The following STARD13 variants were observed in gnomAD, a reference collection of about 807,000 sequenced individuals.
The protein encoded by STARD13 is StAR related lipid transfer domain containing 13.
Under a neutral mutation model 106.4 loss-of-function variants are expected in STARD13, and 62 were observed. The observed-to-expected ratio is 0.58, with a 90% CI of 0.48 to 0.72. The LOEUF (loss-of-function observed/expected upper bound fraction) is 0.72. Ranked by LOEUF, STARD13 falls within the 30% of genes least tolerant of loss-of-function variation. The probability of loss-of-function intolerance (pLI) is 0.00; values close to 1 mark genes in which losing one functional copy is unlikely to be tolerated. For missense variants in STARD13, 1,387 were observed against 1,424.0 expected (o/e 0.97, Z 0.42); for synonymous variants, 565 against 553.0 (o/e 1.02, Z -0.31).
the STARD13 span, among the ~76,000 whole-genome samples, chr13:33,561,169 A>G: frequency 1.3e-5 from 2 of 151,392 alleles, no homozygotes; most frequent in Admixed American, 6.6e-5. Flanking sequence ...TTTCTTTTTC[A>G]TTCTGGATTT....
In STARD13 at chr13:33,308,520, CTT is replaced by C. The variant is rs552526416; in HGVS notation, c.124+41768_124+41769del. On this transcript the variant is annotated intron_variant, in intron 1 of 5. Coordinates refer to the STARD13 transcript ENST00000567873. ...TCCTTTTTTCTTTTTCTTTTTCTTTCTTTTTTTTTTTTTTTTTTTTGAGTTTG... is the reference window on the plus strand; with the variant it reads ...TCCTTTTTTCTTTTTCTTTTTCTTTCTTTTTTTTTTTTTTTTTTGAGTTTG... Among the ~76,000 whole-genome samples the C allele has an allele frequency of 2.8e-3, 248 of 88,566 alleles. 2 individuals are homozygous for C. Among genetic ancestry groups the C allele is most frequent in the African/African-American group, 9.7e-3 (223 of 22,876 alleles). 58.1% of individuals were successfully genotyped at this position (88,566 alleles called of 152,430 possible).
At chr13:33,509,470 A>G in the STARD13 span, among the ~76,000 whole-genome samples, 2 of 152,288 alleles carry the variant, frequency 1.3e-5, no homozygotes, top group South Asian at 4.1e-4. Context: ...ATTCAAAGAG[A>G]GCAGGTACAA....
the STARD13 span, among the ~76,000 whole-genome samples, chr13:33,591,633 TC>T: frequency 4.6e-5 from 7 of 152,190 alleles, no homozygotes; most frequent in African/African-American, 1.7e-4. Flanking sequence ...CTATTTGATA[TC>T]CCAGTATAAT....
At chr13:33,576,825 A>G in the STARD13 span, among the ~76,000 whole-genome samples, 6 of 152,202 alleles carry the variant, frequency 3.9e-5, no homozygotes, top group East Asian at 1.9e-4. Context: ...ATAGTAACAA[A>G]CCTTAATACA....
the STARD13 span, among the ~76,000 whole-genome samples, chr13:33,519,210 T>TCTC: frequency 0.19 from 12,507 of 65,662 alleles, 725 homozygotes; most frequent in African/African-American, 0.27. Flanking sequence ...TGGTAATTTT[T>TCTC]TCTTTCTTTC....
At chr13:33,153,314 T>C (rs893838602) in intron 3 of STARD13, among the ~76,000 whole-genome samples, 25 of 152,096 alleles carry the variant, frequency 1.6e-4, no homozygotes, top group Admixed American at 6.5e-5. Context: ...CAGACCCTAA[T>C]GGAAGTAAGG....
At chr13:33,463,840 C>T in the STARD13 span, among the ~76,000 whole-genome samples, 1 of 151,830 alleles carries the variant, frequency 6.6e-6, no homozygotes, top group African/African-American at 2.4e-5. Context: ...GTCAAAACCC[C>T]ATTTCTACTA....
chr13:33,385,167 G>A, the STARD13 span, among the ~76,000 whole-genome samples: 12 of 124,166 alleles, frequency 9.7e-5, no homozygotes, highest in South Asian at 8.2e-4. Context: ...GTTGATAATA[G>A]TTTCAACACA....
chr13:33,190,983 A>G (rs1886218483), intron 1 of STARD13, among the ~76,000 whole-genome samples: 1 of 152,242 alleles, frequency 6.6e-6, no homozygotes, highest in Admixed American at 6.5e-5. Context: ...AAATACAAAA[A>G]CAAAATACCA....
At chr13:33,154,366 C>CGG (rs1881693520) in intron 3 of STARD13, among the ~76,000 whole-genome samples, 1 of 152,192 alleles carries the variant, frequency 6.6e-6, no homozygotes, top group Non-Finnish European at 1.5e-5. Context: ...AGAACTGCCC[C>CGG]TGGACATTAG....
chr13:33,105,675 C>G lies in STARD13; in HGVS notation c.3260G>C (p.Gly1087Ala). 1 of 1,614,216 alleles carries G rather than the reference C, an allele frequency of 6.2e-7. No homozygotes were observed. The highest frequency in any genetic ancestry group is 8.5e-7 in the Non-Finnish European group (1 of 1,180,032). Reference protein sequence around the residue: ...HSPEWYSKGFGHLCAAEVARI... With the variant: ...HSPEWYSKGFAHLCAAEVARI... ...GGCAACTTCTGCTGCACACAGATGT[C>G]CAAAGCCTTTGCTGTACCATTCTGG... The change falls in exon 14 of 14, where the codon GGA (glycine) becomes GCA (alanine). Residue 1087 changes from glycine (G) to alanine (A), a missense_variant. Coordinates refer to ENST00000336934, the MANE Select transcript of STARD13 (RefSeq NM_178006.4).
chr13:33,363,115 T>C, the STARD13 span, among the ~76,000 whole-genome samples: 1 of 152,246 alleles, frequency 6.6e-6, no homozygotes, highest in Admixed American at 6.5e-5. Flanking sequence ...TCCAGAATCT[T>C]GAACCTTTAT....
At chr13:33,379,476 C>T in the STARD13 span, among the ~76,000 whole-genome samples, 1 of 152,134 alleles carries the variant, frequency 6.6e-6, no homozygotes, top group African/African-American at 2.4e-5. Context: ...ATTGACATGA[C>T]CCCATCTCTG....
intron 1 of STARD13, among the ~76,000 whole-genome samples, chr13:33,218,430 C>T (rs560211427): frequency 5.1e-4 from 78 of 152,348 alleles, no homozygotes; most frequent in Non-Finnish European, 7.2e-4. Flanking sequence ...CACTGGAACA[C>T]TCTGCATGTA....
chr13:33,576,153 A>C, the STARD13 span, among the ~76,000 whole-genome samples: 13 of 152,362 alleles, frequency 8.5e-5, no homozygotes, highest in African/African-American at 3.1e-4. Flanking sequence ...AAATTAGGCC[A>C]GTTAAGGGAA....
chr13:33,487,161 A>G, the STARD13 span, among the ~76,000 whole-genome samples: 1 of 152,220 alleles, frequency 6.6e-6, no homozygotes, highest in African/African-American at 2.4e-5. Flanking sequence ...TGTATCACAA[A>G]GTTGTGAAGA....
At chr13:33,322,870 T>A (rs1226822010) in intron 1 of STARD13, among the ~76,000 whole-genome samples, 2 of 152,220 alleles carry the variant, frequency 1.3e-5, no homozygotes, top group African/African-American at 4.8e-5. Context: ...ACAATGTCCC[T>A]GTGGATGTTG....
upstream of STARD13, chr13:33,355,200 C>T (rs1048820305): frequency 6.6e-6 from 1 of 152,328 alleles, no homozygotes; most frequent in Non-Finnish European, 1.5e-5. Context: ...ACCATTGCCT[C>T]TCACAACCAC....
Position 33,162,081 on chromosome 13 carries a change from C to A in STARD13, c.323+3256G>T, listed in dbSNP as rs564951659. ...GACACAGCCAAACCATATCATTCCACCTCTTGCTCCTCCAAATCTCATGTC... is the reference window on the plus strand; with the variant it reads ...GACACAGCCAAACCATATCATTCCAACTCTTGCTCCTCCAAATCTCATGTC... On this transcript the variant is annotated intron_variant, in intron 3 of 13. Transcript: ENST00000336934. Among the ~76,000 whole-genome samples the A allele has an allele frequency of 5.3e-5, 8 of 152,312 alleles. No homozygotes were observed. In the South Asian group the frequency reaches 1.7e-3, roughly 32 times the overall value.
Sources: gnomAD v4.1 joint callset for allele counts (sites outside exome capture counted in the v4.1 genomes callset) on GRCh38, gnomAD v4.1.1 for gene constraint, MANE v1.5 for transcripts, NCBI Gene and HGNC (gene_info 2026-07-23, HGNC 2026-07-21) for gene names.